The following ZFHX4 variants were observed in gnomAD, a reference collection of about 807,000 sequenced individuals.
The protein encoded by ZFHX4 is zinc finger homeobox 4.
A neutral mutation model predicts 267.6 loss-of-function variants in ZFHX4; 56 were observed. That is an observed-to-expected ratio of 0.21 (90% CI 0.17 to 0.26). The LOEUF is 0.26. ZFHX4 is among the 10% of genes least tolerant of loss of function. The pLI, the probability that ZFHX4 is intolerant of heterozygous loss-of-function variation, is 1.00. For missense variants in ZFHX4, 4,332 were observed against 4,420.0 expected (o/e 0.98, Z 0.56); for synonymous variants, 1,778 against 1,665.6 (o/e 1.07, Z -1.64).
chr8:76,808,933 T>TCACA (rs1196242716), intron 4 of ZFHX4, among the ~76,000 whole-genome samples: 42 of 145,126 alleles, frequency 2.9e-4, no homozygotes, highest in African/African-American at 1.0e-3. Flanking sequence ...TCTCTCTCTC[T>TCACA]CACACACACA....
intron 3 of ZFHX4, among the ~76,000 whole-genome samples, chr8:76,739,272 A>G (rs1484546074): frequency 6.6e-6 from 1 of 152,118 alleles, no homozygotes; most frequent in Non-Finnish European, 1.5e-5. Flanking sequence ...AAACTTTAAA[A>G]ACTGTTATTC....
chr8:76,706,918 C>T (rs1247824247), intron 2 of ZFHX4, among the ~76,000 whole-genome samples: 5 of 152,356 alleles, frequency 3.3e-5, no homozygotes, highest in Non-Finnish European at 5.9e-5. Flanking sequence ...ACTTTGTCTT[C>T]ATTCAGTAAG....
chr8:76,715,892 A>G (rs1465110649), intron 3 of ZFHX4, among the ~76,000 whole-genome samples: 1 of 152,212 alleles, frequency 6.6e-6, no homozygotes, highest in South Asian at 2.1e-4. Flanking sequence ...AGCATAAAAT[A>G]TACATTTCTC....
At chr8:76,709,476 C>CT (rs1428568942) in intron 3 of ZFHX4, among the ~76,000 whole-genome samples, 1 of 152,088 alleles carries the variant, frequency 6.6e-6, no homozygotes. Context: ...CAATTGTCTA[C>CT]TTTTTTCTGT....
intron 4 of ZFHX4, among the ~76,000 whole-genome samples, chr8:76,827,018 A>C (rs1474185305): frequency 6.6e-6 from 1 of 152,258 alleles, no homozygotes; most frequent in Non-Finnish European, 1.5e-5. Context: ...TAGCAAAGCC[A>C]GCACAGTAGG....
intron 3 of ZFHX4, among the ~76,000 whole-genome samples, chr8:76,733,086 T>G (rs540653286): frequency 6.6e-6 from 1 of 152,302 alleles, no homozygotes; most frequent in East Asian, 1.9e-4. Flanking sequence ...TTTTCTTTTG[T>G]TTTTTAATTG....
At chr8:76,795,161 A>G (rs2131814391) in intron 4 of ZFHX4, among the ~76,000 whole-genome samples, 1 of 152,322 alleles carries the variant, frequency 6.6e-6, no homozygotes, top group Non-Finnish European at 1.5e-5. Context: ...TTAAATAAAA[A>G]TCAGTGAAAG....
At chr8:76,740,576 A>G (rs1426638758) in intron 3 of ZFHX4, among the ~76,000 whole-genome samples, 1 of 152,192 alleles carries the variant, frequency 6.6e-6, no homozygotes, top group African/African-American at 2.4e-5. Flanking sequence ...CATAAGGTAA[A>G]CAGAGACTTG....
At chr8:76,757,804 A>T (rs894864991) in intron 3 of ZFHX4, among the ~76,000 whole-genome samples, 3 of 152,158 alleles carry the variant, frequency 2.0e-5, no homozygotes, top group Admixed American at 6.5e-5. Context: ...ATTAAAGATG[A>T]GCGTGGGAGT....
rs1350291084 is a variant in ZFHX4 at position 76,849,530 on chromosome 8, T to A, written c.3664T>A (p.Cys1222Ser). ...TTTCCAGTTCTATCAATGTCCTTAT[T>A]GTAACTACAATAGTAGGGACCAAAG... The part of the protein sequence containing the change: ...CHEQFYQCPY[C>S]NYNSRDQSRI... The change falls in exon 8 of 11, where the codon TGT becomes AGT. Residue 1222 changes from cysteine to serine, a missense_variant. By Grantham distance (112) the Cys-to-Ser change is moderately radical. Transcript: ENST00000651372. 5.0e-6 allele frequency: 8 copies of A among 1,613,668 alleles called. No homozygotes were observed. The highest frequency in any genetic ancestry group is 6.8e-6 in the Non-Finnish European group (8 of 1,179,704).
Position 76,854,671 on chromosome 8 carries a change from G to A in ZFHX4, c.7750G>A (p.Asp2584Asn), listed in dbSNP as rs774272950. ...TGCTTCCCTAAAAAGGAAACTAGAC[G>A]ATAAAGAAGATAATAATTGCAGTGA... ...VAASLKRKLD[D>N]KEDNNCSEKE... Residue 2584 changes from aspartate (D) to asparagine (N), a missense_variant, in exon 10 of 11, where the codon GAT (aspartate) becomes AAT (asparagine). Coordinates refer to ENST00000651372, the MANE Select transcript of ZFHX4 (RefSeq NM_024721.5). 1.2e-6 allele frequency: 2 copies of A among 1,613,626 alleles called. No homozygotes were observed. Among genetic ancestry groups the A allele is most frequent in the South Asian group, 1.1e-5 (1 of 91,062 alleles).
At chr8:76,714,028 A>AT (rs1318691761) in intron 3 of ZFHX4, among the ~76,000 whole-genome samples, 6 of 151,992 alleles carry the variant, frequency 3.9e-5, no homozygotes, top group South Asian at 2.1e-4. Flanking sequence ...TTTACATTAC[A>AT]TTTTTTTGTG....
At chr8:76,769,172 T>A (rs1446263798) in intron 3 of ZFHX4, among the ~76,000 whole-genome samples, 2 of 152,106 alleles carry the variant, frequency 1.3e-5, no homozygotes, top group African/African-American at 2.4e-5. Context: ...GAGTCAGCAA[T>A]GTCAAATATT....
At chr8:76,841,636 A>G (rs1163994143) in intron 5 of ZFHX4, among the ~76,000 whole-genome samples, 1 of 152,184 alleles carries the variant, frequency 6.6e-6, no homozygotes, top group African/African-American at 2.4e-5. Flanking sequence ...ATGGTCATTA[A>G]AGATTTTATG....
chr8:76,822,516 G>T (rs1280658845), intron 4 of ZFHX4, among the ~76,000 whole-genome samples: 1 of 129,276 alleles, frequency 7.7e-6, no homozygotes, highest in African/African-American at 3.1e-5. Flanking sequence ...ATAGCTCACT[G>T]CAGCCTCAAA....
chr8:76,713,381 T>G (rs1808480939), intron 3 of ZFHX4, among the ~76,000 whole-genome samples: 1 of 152,160 alleles, frequency 6.6e-6, no homozygotes, highest in Non-Finnish European at 1.5e-5. Flanking sequence ...ATTAGCAACT[T>G]ACTACATCCA....
intron 1 of ZFHX4, among the ~76,000 whole-genome samples, chr8:76,689,036 A>G (rs1057465910): frequency 1.3e-5 from 2 of 152,078 alleles, no homozygotes; most frequent in Non-Finnish European, 2.9e-5. Context: ...TCTATGTTAT[A>G]TAGTCCCCCA....
chr8:76,792,781 G>A (rs1810872419), intron 4 of ZFHX4, among the ~76,000 whole-genome samples: 1 of 152,142 alleles, frequency 6.6e-6, no homozygotes. Flanking sequence ...TAGCCACAGA[G>A]TGACATTTTT....
At chr8:76,801,528 C>A (rs1017754404) in intron 4 of ZFHX4, among the ~76,000 whole-genome samples, 6 of 152,130 alleles carry the variant, frequency 3.9e-5, no homozygotes, top group Admixed American at 1.3e-4. Context: ...GCATTAGAAC[C>A]AGGTGCTTCA....
Sources: gnomAD v4.1 joint callset for allele counts (sites outside exome capture counted in the v4.1 genomes callset) on GRCh38, gnomAD v4.1.1 for gene constraint, MANE v1.5 for transcripts, NCBI Gene and HGNC (gene_info 2026-07-23, HGNC 2026-07-21) for gene names.